The following CNTNAP2 variants were observed in gnomAD, a reference collection of about 807,000 sequenced individuals.
The protein encoded by CNTNAP2 is contactin associated protein 2, also known as contactin-associated protein-like 2.
In CNTNAP2, 98 loss-of-function variants were observed where a neutral mutation model predicts 155.2. The ratio of observed to expected loss-of-function variants is 0.63; its 90% CI spans 0.54 to 0.75. CNTNAP2 has a LOEUF of 0.75. Ranked by LOEUF, CNTNAP2 falls within the 30% of genes least tolerant of loss-of-function variation. CNTNAP2 has a pLI of 0.00. For missense variants in CNTNAP2, 1,727 were observed against 1,688.1 expected (o/e 1.02, Z -0.40); for synonymous variants, 651 against 631.2 (o/e 1.03, Z -0.47).
At chr7:146,404,134 A>C (rs1371666109) in intron 1 of CNTNAP2, among the ~76,000 whole-genome samples, 8 of 150,202 alleles carry the variant, frequency 5.3e-5, no homozygotes, top group Non-Finnish European at 1.0e-4. Flanking sequence ...CAAAAAAAAA[A>C]AAAAAAAACA....
chr7:147,324,765 A>G (rs980997592), intron 9 of CNTNAP2, among the ~76,000 whole-genome samples: 5 of 117,248 alleles, frequency 4.3e-5, no homozygotes, highest in Middle Eastern at 4.3e-3. Flanking sequence ...ATGTTAAACA[A>G]TGAGCTGGGG....
At chr7:146,257,495 C>G (rs946014683) in intron 1 of CNTNAP2, among the ~76,000 whole-genome samples, 3 of 152,108 alleles carry the variant, frequency 2.0e-5, no homozygotes, top group African/African-American at 7.2e-5. Flanking sequence ...TCACGTACTT[C>G]CAGATGTAAA....
intron 13 of CNTNAP2, among the ~76,000 whole-genome samples, chr7:147,772,446 CTA>C (rs58027241): frequency 0.05 from 3,180 of 63,578 alleles, 58 homozygotes; most frequent in South Asian, 0.057. Flanking sequence ...CTCTCTCTCG[CTA>C]TATATATATA....
chr7:147,927,018 A>G (rs1286667362), intron 14 of CNTNAP2, among the ~76,000 whole-genome samples: 1 of 152,238 alleles, frequency 6.6e-6, no homozygotes, highest in African/African-American at 2.4e-5. Context: ...ATTCACTTCC[A>G]AAGTCAGCTC....
chr7:147,294,637 G>C (rs1805392585), intron 8 of CNTNAP2, among the ~76,000 whole-genome samples: 1 of 152,058 alleles, frequency 6.6e-6, no homozygotes, highest in Non-Finnish European at 1.5e-5. Flanking sequence ...TTGTAATTAT[G>C]AGATAGTAAA....
In CNTNAP2 at chr7:146,984,139, G is replaced by T. The variant is rs188323726; in HGVS notation, c.403-59768G>T. ...TCCCAGCACTTTGGGAGGCTGAGGT[G>T]GGTGGCTCAACTGAGGTCGGGAGTT... On this transcript the variant is annotated intron_variant, in intron 3 of 23. Coordinates refer to ENST00000361727, the MANE Select transcript of CNTNAP2 (RefSeq NM_014141.6). 3.3e-3 allele frequency among the ~76,000 whole-genome samples: 503 copies of T among 152,026 alleles called. 5 individuals are homozygous for T. Among genetic ancestry groups the T allele is most frequent in the African/African-American group, 0.011 (461 of 41,488 alleles).
chr7:146,549,699 T>C (rs765787694), intron 1 of CNTNAP2, among the ~76,000 whole-genome samples: 8 of 152,088 alleles, frequency 5.3e-5, no homozygotes, highest in Non-Finnish European at 1.0e-4. Context: ...TTCAAACAAA[T>C]GTTATTAATA....
intron 13 of CNTNAP2, among the ~76,000 whole-genome samples, chr7:147,816,478 T>TA: frequency 6.6e-6 from 1 of 152,216 alleles, no homozygotes; most frequent in South Asian, 2.1e-4. Flanking sequence ...AAATGTAGGG[T>TA]AAAAAAGAGG....
At chr7:148,155,980 G>A (rs1805391278) in intron 17 of CNTNAP2, among the ~76,000 whole-genome samples, 4 of 152,218 alleles carry the variant, frequency 2.6e-5, no homozygotes, top group South Asian at 4.1e-4. Context: ...GTGCAATACC[G>A]GCCCCTTGTG....
At chr7:146,513,104 C>A (rs1353118482) in intron 1 of CNTNAP2, among the ~76,000 whole-genome samples, 2 of 151,818 alleles carry the variant, frequency 1.3e-5, no homozygotes, top group Non-Finnish European at 2.9e-5. Context: ...ATAAGTATAG[C>A]TATTCCTGCT....
rs562549811 is a variant in CNTNAP2, at chr7:148,019,774, T to G, written c.2383+41785T>G. 2.6e-3 allele frequency among the ~76,000 whole-genome samples: 388 copies of G among 149,152 alleles called. 1 individual carries two copies. The highest frequency in any genetic ancestry group is 8.9e-3 in the African/African-American group (361 of 40,428). On this transcript the variant is annotated intron_variant, in intron 15 of 23. Coordinates refer to ENST00000361727, the MANE Select transcript of CNTNAP2 (RefSeq NM_014141.6). ...GCCCATTCTCAGGGTATTCTTTTTTTGGGGGGAGGGGTGTGAGGGGAGGGT... is the reference window on the plus strand; with the variant it reads ...GCCCATTCTCAGGGTATTCTTTTTTGGGGGGGAGGGGTGTGAGGGGAGGGT...
intron 4 of CNTNAP2, among the ~76,000 whole-genome samples, chr7:147,062,053 G>A (rs190437903): frequency 0.067 from 9,605 of 142,526 alleles, 419 homozygotes; most frequent in Middle Eastern, 0.14. Context: ...GAGTGAACCC[G>A]GGAGGCAGAG....
intron 1 of CNTNAP2, among the ~76,000 whole-genome samples, chr7:146,338,840 G>A (rs942778664): frequency 9.9e-5 from 15 of 151,920 alleles, no homozygotes; most frequent in Non-Finnish European, 2.2e-4. Flanking sequence ...AAGCCTCATA[G>A]TAACCACAAG....
At chr7:148,316,399 G>C (rs1360901842) in intron 21 of CNTNAP2, among the ~76,000 whole-genome samples, 1 of 151,970 alleles carries the variant, frequency 6.6e-6, no homozygotes, top group Non-Finnish European at 1.5e-5. Flanking sequence ...GGAAGACTGT[G>C]TCAGATTCAG....
At chr7:147,224,749 T>C (rs550604026) in intron 8 of CNTNAP2, among the ~76,000 whole-genome samples, 2 of 152,160 alleles carry the variant, frequency 1.3e-5, no homozygotes. Flanking sequence ...TGCATAACTG[T>C]TAACATTATC....
chr7:147,865,349 C>T (rs35624092), intron 13 of CNTNAP2, among the ~76,000 whole-genome samples: 90,020 of 151,574 alleles, frequency 0.59, 26,961 homozygotes, highest in South Asian at 0.7. Context: ...TTGAAGATTT[C>T]CCCATCGATG....
chr7:146,536,044 T>A (rs1479006299), intron 1 of CNTNAP2, among the ~76,000 whole-genome samples: 1 of 152,126 alleles, frequency 6.6e-6, no homozygotes, highest in African/African-American at 2.4e-5. Context: ...AATCATCCAA[T>A]ATCCACGTTT....
chr7:148,166,040 T>G (rs1171912721), intron 17 of CNTNAP2, among the ~76,000 whole-genome samples: 1 of 151,942 alleles, frequency 6.6e-6, no homozygotes, highest in Non-Finnish European at 1.5e-5. Context: ...CATGATCCCC[T>G]TTCTGTCACT....
At chr7:146,632,148 G>A (rs1014890420) in intron 1 of CNTNAP2, among the ~76,000 whole-genome samples, 1 of 152,128 alleles carries the variant, frequency 6.6e-6, no homozygotes, top group Admixed American at 6.6e-5. Flanking sequence ...AATTTAGAGA[G>A]TTTGGTTGTG....
Sources: gnomAD v4.1 joint callset for allele counts (sites outside exome capture counted in the v4.1 genomes callset) on GRCh38, gnomAD v4.1.1 for gene constraint, MANE v1.5 for transcripts, NCBI Gene and HGNC (gene_info 2026-07-23, HGNC 2026-07-21) for gene names.